The following CLASP1 variants were observed in gnomAD, a reference collection of about 807,000 sequenced individuals.
CLASP1 encodes the protein CLIP-associating protein 1.
A neutral mutation model predicts 192.3 loss-of-function variants in CLASP1; 38 were observed. That is an observed-to-expected ratio of 0.20 (90% CI 0.15 to 0.26). The LOEUF (loss-of-function observed/expected upper bound fraction) is 0.26. Among genes scored for constraint, CLASP1 ranks in the 10% least tolerant of loss-of-function variants. The pLI is 1.00. For missense variants in CLASP1, 1,433 were observed against 1,932.5 expected, an observed-to-expected ratio of 0.74 and a Z score of 4.85; for synonymous variants, 691 against 712.8, an observed-to-expected ratio of 0.97 and a Z score of 0.49.
intron 1 of CLASP1, among the ~76,000 whole-genome samples, chr2:121,646,248 G>C (rs1461765828): frequency 6.6e-6 from 1 of 152,088 alleles, no homozygotes; most frequent in Non-Finnish European, 1.5e-5. Context: ...AAGTAGTTGG[G>C]ACTACAGGTG....
At chr2:121,437,744 G>A (rs1446900197) in intron 19 of CLASP1, among the ~76,000 whole-genome samples, 1 of 152,102 alleles carries the variant, frequency 6.6e-6, no homozygotes, top group African/African-American at 2.4e-5. Flanking sequence ...AATAGGCTTG[G>A]GCTTTCTGTC....
At chr2:121,345,465 T>C (rs73950954) in intron 39 of CLASP1, among the ~76,000 whole-genome samples, 10 of 152,368 alleles carry the variant, frequency 6.6e-5, no homozygotes, top group African/African-American at 2.4e-4. Context: ...TGACTCATGT[T>C]CTTTTTGGAT....
intron 19 of CLASP1, among the ~76,000 whole-genome samples, chr2:121,437,961 T>C (rs368118569): frequency 6.6e-6 from 1 of 152,232 alleles, no homozygotes; most frequent in African/African-American, 2.4e-5. Flanking sequence ...GTTGTATATA[T>C]CCTTAAAAAA....
chr2:121,439,876 C>A (rs35455806), intron 19 of CLASP1, among the ~76,000 whole-genome samples: 1 of 140,660 alleles, frequency 7.1e-6, no homozygotes, highest in South Asian at 2.3e-4. Flanking sequence ...TAGGTGGGAA[C>A]TGAACAATGA....
intron 37 of CLASP1, among the ~76,000 whole-genome samples, chr2:121,353,643 C>T (rs927602870): frequency 1.3e-5 from 2 of 152,186 alleles, no homozygotes; most frequent in African/African-American, 4.8e-5. Context: ...TGAAATTGTC[C>T]CTCCCACTAG....
chr2:121,339,253 C>T (rs1281901688), exon 40 of CLASP1: 1 of 152,324 alleles, frequency 6.6e-6, no homozygotes, highest in Non-Finnish European at 1.5e-5. Flanking sequence ...TCAGTCTTTC[C>T]CAGCTTCCTG....
At chr2:121,364,254 G>A (rs2066962466) in intron 36 of CLASP1, 1 of 152,280 alleles carries the variant, frequency 6.6e-6, no homozygotes, top group Non-Finnish European at 1.5e-5. Flanking sequence ...GCTGGCCCTG[G>A]GCATGGCCTG....
intron 9 of CLASP1, 103 bp downstream of exon 9, chr2:121,469,705 G>A (rs2090321329): frequency 9.0e-7 from 1 of 1,108,198 alleles, no homozygotes. Context: ...CTGCATATGG[G>A]GACTGTATCA....
intron 24 of CLASP1, chr2:121,409,077 G>GA (rs1449952259): frequency 8.4e-6 from 13 of 1,543,020 alleles, no homozygotes; most frequent in Admixed American, 1.9e-5. Context: ...GAAGGATGGG[G>GA]AAAAAGCATA....
At chr2:121,644,001 C>T (rs1037732066) in intron 1 of CLASP1, among the ~76,000 whole-genome samples, 4 of 152,158 alleles carry the variant, frequency 2.6e-5, no homozygotes, top group Non-Finnish European at 4.4e-5. Flanking sequence ...ATTACTGCAA[C>T]TACTACTACA....
intron 22 of CLASP1, 68 bp from the exon 23 acceptor site, chr2:121,418,797 A>C: frequency 9.0e-7 from 1 of 1,114,792 alleles, no homozygotes; most frequent in Non-Finnish European, 1.4e-6. Context: ...AACTCACAAA[A>C]TGTCAGTCAC....
intron 2 of CLASP1, among the ~76,000 whole-genome samples, chr2:121,590,541 C>G (rs898894709): frequency 6.6e-6 from 1 of 152,162 alleles, no homozygotes; most frequent in African/African-American, 2.4e-5. Context: ...AATATTCTTT[C>G]CATCTTTTTT....
At position 121,573,116 on chromosome 2, in the gene CLASP1, C is replaced by A. The variant is rs72971259; in HGVS notation, c.195+32585G>T. On this transcript the variant is annotated intron_variant, in intron 2 of 39. Transcript: ENST00000263710. Reference sequence around the variant, plus strand: ...CTAAGATTACAGGTGCCTGCCACCACGCCCAGCTAGTTTTTGTATTTTTAG... The same window carrying A: ...CTAAGATTACAGGTGCCTGCCACCAAGCCCAGCTAGTTTTTGTATTTTTAG... Among the ~76,000 whole-genome samples, 7 of 152,260 alleles carry A rather than the reference C, an allele frequency of 4.6e-5. No homozygotes were observed. In the South Asian group the frequency reaches 1.5e-3, roughly 32 times the overall value.
intron 2 of CLASP1, among the ~76,000 whole-genome samples, chr2:121,574,647 A>AC (rs1442000289): frequency 1.7e-4 from 25 of 150,252 alleles, no homozygotes; most frequent in East Asian, 7.9e-4. Context: ...AAAAAAAAAA[A>AC]AAAAACAAAA....
At chr2:121,580,875 A>G (rs2061052079) in intron 2 of CLASP1, among the ~76,000 whole-genome samples, 1 of 152,210 alleles carries the variant, frequency 6.6e-6, no homozygotes, top group Non-Finnish European at 1.5e-5. Flanking sequence ...CAAAAACTAC[A>G]TTCCTGTCTG....
At chr2:121,555,333 A>T (rs1366150767) in intron 2 of CLASP1, among the ~76,000 whole-genome samples, 1 of 152,192 alleles carries the variant, frequency 6.6e-6, no homozygotes, top group Non-Finnish European at 1.5e-5. Context: ...CCTGAGACAG[A>T]AGTTGTGTTT....
rs61678148 is a variant in CLASP1 at position 121,436,141 on chromosome 2, C to A, written c.1913-5964G>T. On this transcript the variant is annotated intron_variant, in intron 19 of 39. Coordinates refer to ENST00000263710, the Ensembl canonical transcript of CLASP1. ...CTGCCTCCCAGGTTTAAGTGATTCTCGTGCCTCAGTTTCCCTAGTAGCTGG... is the reference window on the plus strand; with the variant it reads ...CTGCCTCCCAGGTTTAAGTGATTCTAGTGCCTCAGTTTCCCTAGTAGCTGG... Among the ~76,000 whole-genome samples, 8 of 151,804 alleles carry A rather than the reference C, an allele frequency of 5.3e-5. No individual in the cohort carries two copies. In the East Asian group the frequency reaches 1.4e-3, roughly 26 times the overall value.
At chr2:121,609,031 A>C (rs1030185978) in intron 1 of CLASP1, among the ~76,000 whole-genome samples, 2 of 152,234 alleles carry the variant, frequency 1.3e-5, no homozygotes, top group African/African-American at 4.8e-5. Context: ...TAAAGTATAG[A>C]TAAGTAATTT....
intron 21 of CLASP1, among the ~76,000 whole-genome samples, chr2:121,425,869 G>A (rs567136238): frequency 3.3e-4 from 51 of 152,324 alleles, no homozygotes; most frequent in Admixed American, 1.0e-3. Flanking sequence ...AAACAAGCCT[G>A]GGCTGGTAGC....
Sources: allele counts gnomAD v4.1 joint callset (sites outside exome capture counted in the v4.1 genomes callset), GRCh38; gene constraint gnomAD v4.1.1; transcripts MANE v1.5; gene names NCBI Gene and HGNC (gene_info 2026-07-23, HGNC 2026-07-21).